KCNN2: variants seen among roughly 807,000 people sequenced by gnomAD.
The protein encoded by KCNN2 is small conductance calcium-activated potassium channel protein 2.
Under a neutral mutation model 55.5 loss-of-function variants are expected in KCNN2, and 24 were observed. The observed-to-expected ratio is 0.43, with a 90% CI of 0.31 to 0.61. The LOEUF (loss-of-function observed/expected upper bound fraction) is 0.61, where lower values mean the gene tolerates loss of function less well. Ranked by LOEUF, KCNN2 falls within the 20% of genes least tolerant of loss-of-function variation. KCNN2 has a pLI of 0.08. For missense variants in KCNN2, 754 were observed against 853.6 expected (o/e 0.88, Z 1.45); for synonymous variants, 431 against 336.1 (o/e 1.28, Z -3.09).
chr5:114,222,294 T>C (rs1011642889), intron 2 of KCNN2, among the ~76,000 whole-genome samples: 3 of 152,176 alleles, frequency 2.0e-5, no homozygotes, highest in Non-Finnish European at 4.4e-5. Flanking sequence ...AAACAATATT[T>C]GCATGGTATC....
At chr5:114,438,941 C>G (rs1162438229) in intron 3 of KCNN2, among the ~76,000 whole-genome samples, 1 of 152,090 alleles carries the variant, frequency 6.6e-6, no homozygotes, top group Non-Finnish European at 1.5e-5. Flanking sequence ...TCTGTGGTGT[C>G]ATTATAAAAT....
intron 2 of KCNN2, among the ~76,000 whole-genome samples, chr5:114,400,675 C>G (rs1758759657): frequency 6.6e-6 from 1 of 152,174 alleles, no homozygotes; most frequent in African/African-American, 2.4e-5. Context: ...AAGTTTCAGC[C>G]ACTCTGATGT....
At chr5:114,370,258 G>C (rs891558396) in intron 2 of KCNN2, among the ~76,000 whole-genome samples, 1 of 152,030 alleles carries the variant, frequency 6.6e-6, no homozygotes, top group African/African-American at 2.4e-5. Flanking sequence ...GTTCATACAC[G>C]TACAAGGCTG....
At chr5:114,119,988 C>T (rs1013751751) in intron 1 of KCNN2, among the ~76,000 whole-genome samples, 2 of 152,012 alleles carry the variant, frequency 1.3e-5, no homozygotes, top group African/African-American at 2.4e-5. Context: ...ACAGCATGTG[C>T]GCATGTGCAA....
chr5:114,262,070 C>A (rs982795439), intron 2 of KCNN2, among the ~76,000 whole-genome samples: 10 of 152,110 alleles, frequency 6.6e-5, no homozygotes, highest in African/African-American at 2.4e-4. Flanking sequence ...GTGATATATA[C>A]CCCAAACCTA....
At chr5:114,226,979 A>AT (rs1432778702) in intron 2 of KCNN2, among the ~76,000 whole-genome samples, 2 of 150,812 alleles carry the variant, frequency 1.3e-5, no homozygotes, top group Non-Finnish European at 3.0e-5. Flanking sequence ...TTACCCTTTG[A>AT]TTTTTTTCAT....
chr5:114,363,412 TC>T, intron 1 of KCNN2, 151 bp downstream of exon 1: 1 of 1,003,138 alleles, frequency 1.0e-6, no homozygotes, highest in Non-Finnish European at 1.4e-6. Flanking sequence ...AGGACGCGCA[TC>T]CGTAGTCAGC....
intron 1 of KCNN2, among the ~76,000 whole-genome samples, chr5:114,079,946 C>T (rs1170058630): frequency 6.6e-6 from 1 of 152,000 alleles, no homozygotes; most frequent in Non-Finnish European, 1.5e-5. Context: ...CTAGTCCACT[C>T]TGTCTCCTGT....
intron 2 of KCNN2, among the ~76,000 whole-genome samples, chr5:114,340,668 ATGTGTGTG>A (rs3070942): frequency 4.6e-5 from 7 of 150,656 alleles, no homozygotes; most frequent in South Asian, 2.1e-4. Flanking sequence ...GTGTGTGTGC[ATGTGTGTG>A]TGTGTGTGTG....
chr5:114,304,541 A>G (rs1479769509), intron 2 of KCNN2, among the ~76,000 whole-genome samples: 3 of 152,198 alleles, frequency 2.0e-5, no homozygotes, highest in African/African-American at 7.2e-5. Context: ...ACCAGGGCAG[A>G]CTAGCGTGCT....
chr5:114,164,773 A>G (rs2112536008), intron 1 of KCNN2, among the ~76,000 whole-genome samples: 1 of 152,284 alleles, frequency 6.6e-6, no homozygotes, highest in East Asian at 1.9e-4. Context: ...TCCCTTTTTT[A>G]TTAAGCAGTA....
intron 1 of KCNN2, among the ~76,000 whole-genome samples, chr5:114,147,691 A>T (rs1360944544): frequency 6.6e-6 from 1 of 152,234 alleles, no homozygotes; most frequent in East Asian, 1.9e-4. Context: ...AGTAGCAAAT[A>T]GATGAGATAA....
chr5:114,323,669 C>CTTTTTTTTTTTTT (rs1756658366), intron 2 of KCNN2, among the ~76,000 whole-genome samples: 1 of 17,036 alleles, frequency 5.9e-5, no homozygotes. Context: ...TTTTTTTTTG[C>CTTTTTTTTTTTTT]TGGTCGGGAT....
chr5:114,189,685 A>G (rs1445793569), intron 1 of KCNN2, among the ~76,000 whole-genome samples: 1 of 152,228 alleles, frequency 6.6e-6, no homozygotes, highest in East Asian at 1.9e-4. Flanking sequence ...ACAGCATCCT[A>G]TGAAATAGGT....
At chr5:114,371,672 A>G (rs549741002) in intron 2 of KCNN2, among the ~76,000 whole-genome samples, 1 of 152,310 alleles carries the variant, frequency 6.6e-6, no homozygotes, top group African/African-American at 2.4e-5. Context: ...GGATCACAGA[A>G]CAAACATTTT....
chr5:114,287,177 T>C (rs3101068), intron 2 of KCNN2, among the ~76,000 whole-genome samples: 29,782 of 152,110 alleles, frequency 0.2, 3,272 homozygotes, highest in African/African-American at 0.3. Context: ...CCAACCATTG[T>C]GGAAGACAGT....
chr5:114,480,797 C>T (rs760403839), intron 5 of KCNN2, among the ~76,000 whole-genome samples: 1 of 152,026 alleles, frequency 6.6e-6, no homozygotes. Flanking sequence ...GCAGAAAAGG[C>T]CATCAAAAAA....
intron 4 of KCNN2, among the ~76,000 whole-genome samples, chr5:114,464,386 C>T (rs929546133): frequency 2.0e-5 from 3 of 152,200 alleles, no homozygotes; most frequent in Non-Finnish European, 4.4e-5. Flanking sequence ...TGAACGAGTA[C>T]TGCAGGTTCC....
chr5:114,204,406 T>C (rs1178565669), intron 1 of KCNN2, among the ~76,000 whole-genome samples: 2 of 152,168 alleles, frequency 1.3e-5, no homozygotes, highest in East Asian at 3.8e-4. Flanking sequence ...AAAATAAATT[T>C]CTCATTTTGC....
Sources: gnomAD v4.1 joint callset for allele counts (sites outside exome capture counted in the v4.1 genomes callset) on GRCh38, gnomAD v4.1.1 for gene constraint, MANE v1.5 for transcripts, NCBI Gene and HGNC (gene_info 2026-07-23, HGNC 2026-07-21) for gene names.